Variants in TTLL11 observed in about 807,000 individuals in gnomAD.
TTLL11 encodes tubulin polyglutamylase TTLL11.
In TTLL11, 42 loss-of-function variants were observed where a neutral mutation model predicts 51.7. The observed-to-expected ratio is 0.81, with a 90% CI of 0.64 to 1.05. TTLL11 has a LOEUF of 1.05. Among genes scored for constraint, TTLL11 ranks in the 50% least tolerant of loss-of-function variants. The pLI, the probability that TTLL11 is intolerant of heterozygous loss-of-function variation, is 0.00. For synonymous variants in TTLL11, 381 were observed against 383.5 expected, an observed-to-expected ratio of 0.99 and a Z score of 0.08; for missense variants, 799 against 940.4, an observed-to-expected ratio of 0.85 and a Z score of 1.97.
chr9:121,986,787 C>G (rs1588178304), intron 4 of TTLL11, among the ~76,000 whole-genome samples: 1 of 152,018 alleles, frequency 6.6e-6, no homozygotes, highest in East Asian at 2.0e-4. Context: ...GAATGAATGC[C>G]CCATCCACTA....
In TTLL11 at chr9:121,942,738, ATTTTTTT is replaced by A. The variant is rs34352222; in HGVS notation, c.1481+31264_1481+31270del. Among the ~76,000 whole-genome samples, 549 of 97,890 alleles carry A rather than the reference ATTTTTTT, an allele frequency of 5.6e-3. 2 individuals are homozygous for A. Among genetic ancestry groups the A allele is most frequent in the Middle Eastern group, 0.023 (3 of 132 alleles). 64.2% of individuals were successfully genotyped at this position (97,890 alleles called of 152,430 possible). A position where few individuals can be genotyped will look rare whatever the true frequency, so the allele number is the denominator to read the frequency against. On this transcript the variant is annotated intron_variant, in intron 6 of 8. Transcript: ENST00000321582. Reference sequence around the variant, plus strand: ...CCTCCTCACGTTTCTAATCTGTCTTATTTTTTTTTTTTTTTTTTTTTTTGCCTGAATA... The same window carrying A: ...CCTCCTCACGTTTCTAATCTGTCTTATTTTTTTTTTTTTTTTGCCTGAATA...
At chr9:121,967,385 C>G (rs1842432553) in intron 6 of TTLL11, among the ~76,000 whole-genome samples, 1 of 151,828 alleles carries the variant, frequency 6.6e-6, no homozygotes. Context: ...CCACCAGGCC[C>G]AGCTAATTTT....
chr9:122,065,348 A>G lies in TTLL11; in HGVS notation c.463-25980T>C, dbSNP rs537143417. On this transcript the variant is annotated intron_variant, in intron 1 of 8. Coordinates refer to ENST00000321582, the MANE Select transcript of TTLL11 (RefSeq NM_001139442.2). Reference sequence around the variant, plus strand: ...AAAAACCTCTGGAGGTCAATCAGCCAGCCAGTCAAATAAAAATGCTGCCCC... The same window carrying G: ...AAAAACCTCTGGAGGTCAATCAGCCGGCCAGTCAAATAAAAATGCTGCCCC... 4.1e-3 allele frequency among the ~76,000 whole-genome samples: 625 copies of G among 152,380 alleles called. 7 individuals are homozygous for G. The highest frequency in any genetic ancestry group is 0.014 in the African/African-American group (587 of 41,592).
chr9:121,844,284 C>T (rs1837448105), intron 8 of TTLL11, among the ~76,000 whole-genome samples: 1 of 150,766 alleles, frequency 6.6e-6, no homozygotes, highest in Non-Finnish European at 1.5e-5. Context: ...AATACGAAGG[C>T]AATAGGGAGA....
intron 6 of TTLL11, among the ~76,000 whole-genome samples, chr9:121,968,133 T>A (rs1842458608): frequency 6.6e-6 from 1 of 152,230 alleles, no homozygotes; most frequent in Non-Finnish European, 1.5e-5. Flanking sequence ...TTGTATCACA[T>A]GTGAATTTTA....
intron 1 of TTLL11, among the ~76,000 whole-genome samples, chr9:122,075,819 A>T (rs1480285057): frequency 2.0e-5 from 3 of 152,196 alleles, no homozygotes; most frequent in Non-Finnish European, 4.4e-5. Flanking sequence ...TTTTGGGCTT[A>T]CAAACAGCTG....
intron 6 of TTLL11, among the ~76,000 whole-genome samples, chr9:121,959,853 C>T (rs982055704): frequency 3.9e-5 from 6 of 152,050 alleles, no homozygotes; most frequent in East Asian, 1.9e-4. Context: ...CTCTTGACAC[C>T]GTCCCTGCTT....
At chr9:121,841,136 G>T (rs1332907785) in intron 8 of TTLL11, among the ~76,000 whole-genome samples, 1 of 152,158 alleles carries the variant, frequency 6.6e-6, no homozygotes, top group African/African-American at 2.4e-5. Context: ...GGCAGGGAGG[G>T]ATGTTACAGG....
At chr9:121,997,999 G>A (rs1406887406) in intron 3 of TTLL11, among the ~76,000 whole-genome samples, 4 of 152,188 alleles carry the variant, frequency 2.6e-5, no homozygotes, top group Non-Finnish European at 2.9e-5. Context: ...CCTACTGAGA[G>A]CCCAGAAGAC....
chr9:122,050,164 C>T (rs1845119070), intron 1 of TTLL11, among the ~76,000 whole-genome samples: 1 of 152,212 alleles, frequency 6.6e-6, no homozygotes, highest in Admixed American at 6.5e-5. Flanking sequence ...CTGTCCACCT[C>T]CCAGGGCTGT....
At chr9:122,014,786 T>C (rs548058880) in intron 3 of TTLL11, among the ~76,000 whole-genome samples, 2 of 152,268 alleles carry the variant, frequency 1.3e-5, no homozygotes, top group African/African-American at 4.8e-5. Flanking sequence ...TCCTCATCTA[T>C]AAGATGATGA....
intron 6 of TTLL11, among the ~76,000 whole-genome samples, chr9:121,912,204 G>A (rs1291434703): frequency 1.3e-5 from 2 of 152,178 alleles, no homozygotes; most frequent in East Asian, 1.9e-4. Context: ...ACTCAAATCT[G>A]CAGCTCTGTT....
chr9:121,978,326 T>G (rs1231397162), intron 4 of TTLL11, among the ~76,000 whole-genome samples: 3 of 152,176 alleles, frequency 2.0e-5, no homozygotes, highest in African/African-American at 7.2e-5. Context: ...AAATCAGGTA[T>G]TTACTTGGTC....
At chr9:121,831,699 C>CAAAAAAAAA (rs35519622) in intron 8 of TTLL11, among the ~76,000 whole-genome samples, 15 of 133,404 alleles carry the variant, frequency 1.1e-4, no homozygotes, top group African/African-American at 4.2e-4. Context: ...GACTCTGTCT[C>CAAAAAAAAA]AAAAAAAAAA....
Position 121,820,642 on chromosome 9 carries a change from T to C in TTLL11, c.*1945A>G, listed in dbSNP as rs575397552. Among the ~76,000 whole-genome samples, 43 of 152,182 alleles carry C rather than the reference T, an allele frequency of 2.8e-4. No homozygotes were observed. Among genetic ancestry groups the C allele is most frequent in the African/African-American group, 9.4e-4 (39 of 41,528 alleles). On this transcript the variant is annotated 3_prime_UTR_variant, in exon 9 of 9. Coordinates refer to ENST00000321582, the MANE Select transcript of TTLL11 (RefSeq NM_001139442.2). ...ACCAAGTCCTGACTACATGGCCTCCTGGGCCTTCCTTTCCTCATCTGAAAG... is the reference window on the plus strand; with the variant it reads ...ACCAAGTCCTGACTACATGGCCTCCCGGGCCTTCCTTTCCTCATCTGAAAG...
intron 1 of TTLL11, among the ~76,000 whole-genome samples, chr9:122,082,228 G>A (rs1173417034): frequency 1.3e-5 from 2 of 152,216 alleles, no homozygotes; most frequent in Non-Finnish European, 2.9e-5. Flanking sequence ...AAAAGGCCAG[G>A]TGCAGTGGCT....
chr9:121,820,277 C>T lies in TTLL11; in HGVS notation c.*2310G>A, dbSNP rs917629895. ...GAACATTGCGCTCCACTTTGGCAAG[C>T]GAGTACTTTCTGAAGACCAACTTCA... On this transcript the variant is annotated 3_prime_UTR_variant, in exon 9 of 9. Transcript: ENST00000321582. 6.6e-6 allele frequency among the ~76,000 whole-genome samples: 1 copy of T among 152,244 alleles called. No homozygotes were observed. Among genetic ancestry groups the T allele is most frequent in the Non-Finnish European group, 1.5e-5 (1 of 68,042 alleles).
chr9:122,012,540 C>G (rs1843831278), intron 3 of TTLL11, among the ~76,000 whole-genome samples: 1 of 151,892 alleles, frequency 6.6e-6, no homozygotes, highest in Non-Finnish European at 1.5e-5. Context: ...GATTGTAATA[C>G]TTGTGATTTA....
intron 1 of TTLL11, among the ~76,000 whole-genome samples, chr9:122,045,617 A>G (rs1245377507): frequency 6.6e-6 from 1 of 152,206 alleles, no homozygotes; most frequent in Non-Finnish European, 1.5e-5. Context: ...TCATAGGAGC[A>G]TATTCACAAT....
Sources: gnomAD v4.1 joint callset for allele counts (sites outside exome capture counted in the v4.1 genomes callset) on GRCh38, gnomAD v4.1.1 for gene constraint, MANE v1.5 for transcripts, NCBI Gene and HGNC (gene_info 2026-07-23, HGNC 2026-07-21) for gene names.